ALMS1: variants seen among roughly 807,000 people sequenced by gnomAD.
ALMS1 encodes the protein centrosome-associated protein ALMS1.
In ALMS1, 271 loss-of-function variants were observed where a neutral mutation model predicts 352.2. That is an observed-to-expected ratio of 0.77 (90% CI 0.70 to 0.85). The LOEUF (loss-of-function observed/expected upper bound fraction) is 0.85, where lower values mean the gene tolerates loss of function less well. Among genes scored for constraint, ALMS1 ranks in the 40% least tolerant of loss-of-function variants. The probability of loss-of-function intolerance (pLI) is 0.00; values close to 1 mark genes in which losing one functional copy is unlikely to be tolerated. For missense variants in ALMS1, 5,445 were observed against 4,870.7 expected (o/e 1.12, Z -3.51); for synonymous variants, 1,865 against 1,761.2 (o/e 1.06, Z -1.48).
intron 19 of ALMS1, 63 bp from the exon 20 acceptor site, chr2:73,602,122 T>G: frequency 1.3e-6 from 2 of 1,488,168 alleles, no homozygotes; most frequent in Non-Finnish European, 1.8e-6. Context: ...TCTCCAGGCA[T>G]ATGGAGAGTA....
intron 10 of ALMS1, among the ~76,000 whole-genome samples, chr2:73,508,202 T>A (rs1468593665): frequency 7.2e-6 from 1 of 138,030 alleles, no homozygotes; most frequent in African/African-American, 3.0e-5. Flanking sequence ...TCCTTTCTTC[T>A]TCTTCTTTTT....
At chr2:73,593,945 C>T (rs548672464) in intron 16 of ALMS1, among the ~76,000 whole-genome samples, 2 of 152,356 alleles carry the variant, frequency 1.3e-5, no homozygotes, top group African/African-American at 4.8e-5. Flanking sequence ...ACATTCCATT[C>T]TATGAATATA....
rs551669756 is a variant in ALMS1 at position 73,572,966 on chromosome 2, G to A, written c.11089G>A (p.Val3697Met). ...KNTGELKKSK[V>M]LSHHRAGRSN... ...TACAGGCGAGCTTAAAAAAAGCAAG[G>A]TGCTTTCTCATCATCGAGCTGGGAG... The change falls in exon 16 of 23, where the codon GTG becomes ATG. Residue 3697 changes from valine (V) to methionine (M), a missense_variant. Transcript: ENST00000613296. The A allele has an allele frequency of 1.7e-5, 28 of 1,614,062 alleles. No individual in the cohort carries two copies. The South Asian group carries it at 2.3e-4, about 13-fold the overall frequency.
chr2:73,404,049 T>C (rs962277728), intron 1 of ALMS1, among the ~76,000 whole-genome samples: 24 of 152,002 alleles, frequency 1.6e-4, no homozygotes, highest in African/African-American at 5.3e-4. Context: ...ACAGGCGCGC[T>C]GCCACACCTG....
chr2:73,402,782 T>C lies in ALMS1; in HGVS notation c.325-5840T>C, dbSNP rs559481394. Among the ~76,000 whole-genome samples, 48 of 152,306 alleles carry C rather than the reference T, an allele frequency of 3.2e-4. No homozygotes were observed. In the South Asian group the frequency reaches 1.0e-2, roughly 32 times the overall value. ...TTGCATTTCCCTGATGATAGTAATA[T>C]TGAATATCTTTTCATATGCTGATTG... On this transcript the variant is annotated intron_variant, in intron 1 of 22. Coordinates refer to ENST00000613296, the MANE Select transcript of ALMS1 (RefSeq NM_001378454.1).
At chr2:73,514,846 A>G (rs1048512828) in intron 10 of ALMS1, among the ~76,000 whole-genome samples, 1 of 152,150 alleles carries the variant, frequency 6.6e-6, no homozygotes, top group Non-Finnish European at 1.5e-5. Context: ...AAGAGCTACT[A>G]TCTTTGTTGA....
chr2:73,599,601 T>C, intron 17 of ALMS1, 80 bp downstream of exon 17: 2 of 1,475,386 alleles, frequency 1.4e-6, no homozygotes, highest in Admixed American at 3.4e-5. Flanking sequence ...ACCTCAATCA[T>C]AATAAAGGAC....
intron 12 of ALMS1, among the ~76,000 whole-genome samples, chr2:73,546,625 GTT>G (rs1238398310): frequency 2.0e-5 from 3 of 152,184 alleles, no homozygotes; most frequent in Non-Finnish European, 2.9e-5. Flanking sequence ...ACCCAGTTTT[GTT>G]TTACGAACTT....
chr2:73,542,101 T>G (rs922155089), intron 12 of ALMS1, among the ~76,000 whole-genome samples: 4 of 152,146 alleles, frequency 2.6e-5, no homozygotes, highest in African/African-American at 9.7e-5. Context: ...CTGATAAACA[T>G]TGATGCAAAA....
intron 11 of ALMS1, among the ~76,000 whole-genome samples, chr2:73,520,536 A>T (rs1673654590): frequency 6.6e-6 from 1 of 152,244 alleles, no homozygotes; most frequent in Admixed American, 6.5e-5. Flanking sequence ...TCTTTAAAAT[A>T]TATAACCCAA....
At chr2:73,459,114 T>C (rs552889983) in intron 9 of ALMS1, 4 of 152,330 alleles carry the variant, frequency 2.6e-5, no homozygotes, top group African/African-American at 9.6e-5. Context: ...CTTTCTTTCA[T>C]GACTGACATT....
In ALMS1 at chr2:73,408,748, G is replaced by A. The variant is rs1302255267; in HGVS notation, c.450+1G>A. 1.9e-6 allele frequency: 3 copies of A among 1,608,752 alleles called. No homozygotes were observed. Among genetic ancestry groups the A allele is most frequent in the African/African-American group, 1.3e-5 (1 of 74,498 alleles). On this transcript the variant is annotated splice_donor_variant, in intron 2 of 22. Transcript: ENST00000613296. LOFTEE classifies it high-confidence loss of function. The stretch of plus-strand genomic sequence containing the variant: ...TCAGCGGGGTTCTGGGGATGATCAG[G>A]TATGTCTTCTGTAACTGGCTAACTT...
At position 73,451,674 on chromosome 2, in the gene ALMS1, A is replaced by G. The variant is rs760638961; in HGVS notation, c.5147A>G (p.Glu1716Gly). ...SVSSSLYSYR[E>G]KPIVFYQQAL... ...TCCTCTAGTTTATACTCATATAGAG[A>G]GAAGCCCATTGTCTTCTACCAACAG... Residue 1716 changes from glutamate (E) to glycine (G), a missense_variant, in exon 8 of 23, where the codon GAG (glutamate) becomes GGG (glycine). Transcript: ENST00000613296. 19 of 1,613,982 alleles carry G rather than the reference A, an allele frequency of 1.2e-5. No homozygotes were observed. The highest frequency in any genetic ancestry group is 1.5e-5 in the Non-Finnish European group (18 of 1,179,998).
At chr2:73,419,864 C>A (rs1359982986) in intron 3 of ALMS1, among the ~76,000 whole-genome samples, 2 of 152,196 alleles carry the variant, frequency 1.3e-5, no homozygotes, top group African/African-American at 4.8e-5. Context: ...ACTTTAAGTA[C>A]TTTTAAAATC....
At chr2:73,605,775 A>G (rs1035098289) in intron 21 of ALMS1, among the ~76,000 whole-genome samples, 3 of 152,008 alleles carry the variant, frequency 2.0e-5, no homozygotes, top group African/African-American at 7.2e-5. Context: ...CCTGGGAGGC[A>G]GAGGTTGCAG....
chr2:73,385,912 AG>A lies in ALMS1; in HGVS notation c.46del (p.Glu16ArgfsTer25), dbSNP rs1558624515. 2 of 605,812 alleles carry A rather than the reference AG, an allele frequency of 3.3e-6. No individual in the cohort carries two copies. Among genetic ancestry groups the A allele is most frequent in the African/African-American group, 2.2e-5 (1 of 44,666 alleles). 37.5% of individuals were successfully genotyped at this position (605,812 alleles called of 1,614,324 possible). On this transcript the variant is annotated frameshift_variant, in exon 1 of 23. Transcript: ENST00000613296. LOFTEE classifies it high-confidence loss of function. ...CCATGGCCGGGCGAGCTGGAGGAGG[AG>A]GAGGAGGAGGAGGAGGAGGAGGAGG... is the stretch of plus-strand genomic sequence containing the variant. ...DLPWPGELEE[E>X]EEEEEEEEEE... is the part of the protein sequence containing the mutation.
At chr2:73,494,049 C>T (rs527891669) in intron 10 of ALMS1, among the ~76,000 whole-genome samples, 2 of 152,184 alleles carry the variant, frequency 1.3e-5, no homozygotes, top group Non-Finnish European at 2.9e-5. Flanking sequence ...CTTCCAGCCT[C>T]ACTCACATGG....
chr2:73,465,335 A>G (rs1227523887), intron 9 of ALMS1, among the ~76,000 whole-genome samples: 4 of 152,214 alleles, frequency 2.6e-5, no homozygotes, highest in South Asian at 2.1e-4. Flanking sequence ...ATAATGCCAC[A>G]TATCTACAAC....
At chr2:73,415,672 C>T (rs1193673250) in intron 2 of ALMS1, among the ~76,000 whole-genome samples, 1 of 152,082 alleles carries the variant, frequency 6.6e-6, no homozygotes, top group Non-Finnish European at 1.5e-5. Flanking sequence ...TATTGAGTGC[C>T]CTTCAGGTTT....
Sources: allele counts gnomAD v4.1 joint callset (sites outside exome capture counted in the v4.1 genomes callset), GRCh38; gene constraint gnomAD v4.1.1; transcripts MANE v1.5; gene names NCBI Gene and HGNC (gene_info 2026-07-23, HGNC 2026-07-21).